Variants in TENM1 observed in about 807,000 individuals in gnomAD.
TENM1 encodes teneurin-1.
Under a neutral mutation model 174.8 loss-of-function variants are expected in TENM1, and 35 were observed. The ratio of observed to expected loss-of-function variants is 0.20; its 90% CI spans 0.15 to 0.27. The LOEUF (loss-of-function observed/expected upper bound fraction) is 0.27. Among genes scored for constraint, TENM1 ranks in the 10% least tolerant of loss-of-function variants. The pLI is 1.00. For missense variants in TENM1, 1,633 were observed against 2,130.1 expected (o/e 0.77, Z 4.59); for synonymous variants, 781 against 798.7 (o/e 0.98, Z 0.37).
At chrX:125,195,337 G>A in the TENM1 span, among the ~76,000 whole-genome samples, 2 of 111,692 alleles carry the variant, frequency 1.8e-5, no homozygotes, top group African/African-American at 3.2e-5. Flanking sequence ...CTCTCACTAT[G>A]TCTACTGCTG....
At chrX:125,014,951 T>C in the TENM1 span, among the ~76,000 whole-genome samples, 1 of 111,543 alleles carries the variant, frequency 9.0e-6, no homozygotes, top group East Asian at 2.8e-4. Flanking sequence ...GTGGAAGGCT[T>C]GGTCCCAGCT....
At chrX:124,896,338 T>C in intron 1 of TENM1, 97 bp from the exon 5 acceptor site, 1 of 937,541 alleles carries the variant, frequency 1.1e-6, no homozygotes, top group South Asian at 2.4e-5. Flanking sequence ...CCCCCATTGG[T>C]AGTAATTACG....
At chrX:124,498,615 C>A (rs1376414864) in intron 19 of TENM1, among the ~76,000 whole-genome samples, 1 of 108,630 alleles carries the variant, frequency 9.2e-6, no homozygotes, top group Non-Finnish European at 1.9e-5. Context: ...ATCTTGAATG[C>A]CTTCCTCATC....
intron 11 of TENM1, among the ~76,000 whole-genome samples, chrX:124,621,661 T>C (rs926046247): frequency 3.6e-5 from 4 of 112,282 alleles, no homozygotes; most frequent in African/African-American, 1.3e-4. Flanking sequence ...GTGTGGAATT[T>C]TTCACTTATG....
intron 3 of TENM1, among the ~76,000 whole-genome samples, chrX:124,781,424 C>G (rs753093312): frequency 9.0e-6 from 1 of 111,673 alleles, no homozygotes; most frequent in Non-Finnish European, 1.9e-5. Context: ...TGGGTGTATT[C>G]TCTCTCCTCA....
intron 21 of TENM1, 36 bp from the exon 25 acceptor site, chrX:124,482,000 T>C: frequency 6.2e-6 from 6 of 971,569 alleles, no homozygotes; most frequent in Non-Finnish European, 8.6e-6. Flanking sequence ...TCAAGGCAAT[T>C]TTTCAACACG....
intron 3 of TENM1, among the ~76,000 whole-genome samples, chrX:124,872,542 G>A (rs1350661589): frequency 8.9e-6 from 1 of 112,030 alleles, no homozygotes; most frequent in Admixed American, 9.5e-5. Flanking sequence ...GGTGAATAAG[G>A]AAACTCTATT....
At chrX:124,530,121 A>C in intron 15 of TENM1, 138 bp from the exon 19 acceptor site, 1 of 651,839 alleles carries the variant, frequency 1.5e-6, no homozygotes, top group Non-Finnish European at 2.2e-6. Context: ...ACTACTAATA[A>C]CATTCTGGGG....
the TENM1 span, among the ~76,000 whole-genome samples, chrX:125,179,480 C>T: frequency 9.0e-6 from 1 of 111,598 alleles, no homozygotes; most frequent in East Asian, 2.8e-4. Flanking sequence ...TTTTTAGCTG[C>T]CCTCTCTTGC....
chrX:124,876,639 T>C (rs780962324), intron 3 of TENM1, among the ~76,000 whole-genome samples: 1 of 112,192 alleles, frequency 8.9e-6, no homozygotes, highest in South Asian at 3.7e-4. Context: ...CTTAAAGATG[T>C]AGCAAATTTT....
chrX:124,713,184 C>T (rs945820669), intron 4 of TENM1, among the ~76,000 whole-genome samples: 3 of 111,896 alleles, frequency 2.7e-5, no homozygotes, highest in African/African-American at 9.8e-5. Flanking sequence ...CTTTAATTTT[C>T]CTAGGCTTAA....
chrX:124,449,811 T>A (rs377395396), intron 23 of TENM1, among the ~76,000 whole-genome samples: 2 of 111,730 alleles, frequency 1.8e-5, no homozygotes, highest in East Asian at 5.6e-4. Context: ...TGACTATATA[T>A]GAACATTTCT....
At chrX:124,481,825 C>T in exon 22 of TENM1, 1 of 1,206,165 alleles carries the variant, frequency 8.3e-7, no homozygotes. Context: ...GTTCCTGCCA[C>T]CACTTCAAAA....
chrX:124,586,763 T>C (rs1237502038), intron 11 of TENM1, among the ~76,000 whole-genome samples: 47 of 106,054 alleles, frequency 4.4e-4, no homozygotes, highest in African/African-American at 1.3e-3. Context: ...TGTTTGCAGA[T>C]GACATGATTG....
At chrX:124,665,682 T>A (rs1033911689) in intron 6 of TENM1, among the ~76,000 whole-genome samples, 11 of 112,064 alleles carry the variant, frequency 9.8e-5, no homozygotes, top group African/African-American at 3.6e-4. Context: ...ACGCATAGTG[T>A]GTACAGCTGA....
intron 3 of TENM1, among the ~76,000 whole-genome samples, chrX:124,821,119 T>C (rs190500904): frequency 8.9e-6 from 1 of 112,397 alleles, no homozygotes; most frequent in Non-Finnish European, 1.9e-5. Context: ...ACTTACTAAA[T>C]ACTTCCCTTG....
intron 28 of TENM1, among the ~76,000 whole-genome samples, chrX:124,387,936 A>G (rs1372399915): frequency 2.7e-5 from 3 of 112,234 alleles, no homozygotes; most frequent in Non-Finnish European, 5.6e-5. Context: ...GCTTGGAGAC[A>G]TTAAGGGAGA....
At chrX:124,667,253 C>A (rs1167333518) in intron 6 of TENM1, among the ~76,000 whole-genome samples, 4 of 111,182 alleles carry the variant, frequency 3.6e-5, no homozygotes, top group Non-Finnish European at 5.7e-5. Context: ...TTGTTCATAT[C>A]CTCTGCTCTG....
chrX:125,165,992 T>C, the TENM1 span, among the ~76,000 whole-genome samples: 65 of 111,689 alleles, frequency 5.8e-4, no homozygotes, highest in Non-Finnish European at 8.5e-4. Context: ...TAATGTAGTA[T>C]AGCAAGCAGA....
Sources: allele counts gnomAD v4.1 joint callset (sites outside exome capture counted in the v4.1 genomes callset), GRCh38; gene constraint gnomAD v4.1.1; transcripts MANE v1.5; gene names NCBI Gene and HGNC (gene_info 2026-07-23, HGNC 2026-07-21).